ABCC6: variants seen among roughly 807,000 people sequenced by gnomAD.
ABCC6 encodes ATP-binding cassette sub-family C member 6.
ABCC6 carries 126 observed loss-of-function variants against 169.5 expected under a neutral mutation model. The observed-to-expected ratio is 0.74, with a 90% CI of 0.64 to 0.86. The LOEUF is 0.86. ABCC6 is among the 40% of genes least tolerant of loss of function. The probability of loss-of-function intolerance (pLI) is 0.00; values close to 1 mark genes in which losing one functional copy is unlikely to be tolerated. For missense variants in ABCC6, 1,733 were observed against 1,927.2 expected (o/e 0.90, Z 1.89); for synonymous variants, 752 against 814.7 (o/e 0.92, Z 1.31).
At chr16:16,199,409 A>G (rs1309112147) in intron 9 of ABCC6, among the ~76,000 whole-genome samples, 1 of 129,814 alleles carries the variant, frequency 7.7e-6, no homozygotes, top group Non-Finnish European at 1.8e-5. Flanking sequence ...GCTCCTACAC[A>G]AGGAATGGAA....
At chr16:16,181,424 G>T (rs934334261) in intron 17 of ABCC6, among the ~76,000 whole-genome samples, 1 of 152,018 alleles carries the variant, frequency 6.6e-6, no homozygotes, top group Non-Finnish European at 1.5e-5. Flanking sequence ...TGGCTGTGGT[G>T]GTAGATAAGG....
In ABCC6 at chr16:16,150,610, G is replaced by C. The variant is rs376955544; in HGVS notation, c.4371C>G (p.Ala1457=). Residue 1457 remains alanine, a synonymous_variant, in exon 30 of 31, where the codon GCC becomes GCG. Transcript: ENST00000205557. ...AGTCCATCACGGAGCGCAGGCGGTG[G>C]GCAATGAGCAGCACAGTGCACTGTG... ...WFAQCTVLLI[A]HRLRSVMDCA... 7.4e-6 allele frequency: 12 copies of C among 1,612,572 alleles called. No individual in the cohort carries two copies. The East Asian group carries it at 2.5e-4, about 33-fold the overall frequency.
At chr16:16,191,121 G>A (rs2047839966) in intron 11 of ABCC6, among the ~76,000 whole-genome samples, 1 of 151,756 alleles carries the variant, frequency 6.6e-6, no homozygotes, top group South Asian at 2.1e-4. Flanking sequence ...GCCTGGAGAA[G>A]GTTTTACTTT....
rs777846973 is a variant in ABCC6 at position 16,159,431 on chromosome 16, C to G, written c.3735+51G>C. Reference sequence around the variant, plus strand: ...GATGTCAACAGGGACCCATTGCCCCCCCCCACAATATGTCCTTGCTGGGAC... The same window carrying G: ...GATGTCAACAGGGACCCATTGCCCCGCCCCACAATATGTCCTTGCTGGGAC... On this transcript the variant is annotated intron_variant, in intron 26 of 30. Coordinates refer to ENST00000205557, the MANE Select transcript of ABCC6 (RefSeq NM_001171.6). The G allele has an allele frequency of 5.7e-5, 87 of 1,530,486 alleles. 1 individual carries two copies. The African/African-American group carries it at 8.5e-4, about 15-fold the overall frequency. 94.8% of individuals were successfully genotyped at this position (1,530,486 alleles called of 1,614,324 possible).
In ABCC6 at chr16:16,172,911, A is replaced by C. The variant is rs182422614; in HGVS notation, c.2787+373T>G. On this transcript the variant is annotated intron_variant, in intron 21 of 30. Transcript: ENST00000205557. The stretch of plus-strand genomic sequence containing the variant: ...ACAAACATTAGCTGGGCATGGTGGC[A>C]CACGCCTGTAGTCCCAGCTACTTGA... 2.6e-3 allele frequency among the ~76,000 whole-genome samples: 391 copies of C among 152,138 alleles called. 2 individuals carry two copies. The highest frequency in any genetic ancestry group is 9.2e-3 in the African/African-American group (382 of 41,486).
chr16:16,194,744 GCA>G lies in ABCC6; in HGVS notation c.1339-1824_1339-1823del, dbSNP rs140421779. On this transcript the variant is annotated intron_variant, in intron 10 of 30. Coordinates refer to ENST00000205557, the MANE Select transcript of ABCC6 (RefSeq NM_001171.6). Reference sequence around the variant, plus strand: ...CTTGTTCTGTGACCCAGGCTGGAGTGCAGTCTCATGATCTTGGCTCACTGCAA... The same window carrying G: ...CTTGTTCTGTGACCCAGGCTGGAGTGGTCTCATGATCTTGGCTCACTGCAA... 2.5e-3 allele frequency among the ~76,000 whole-genome samples: 375 copies of G among 152,206 alleles called. 4 individuals are homozygous for G. Among genetic ancestry groups the G allele is most frequent in the African/African-American group, 7.8e-3 (324 of 41,528 alleles).
chr16:16,152,669 G>A (rs2046421986), intron 29 of ABCC6, among the ~76,000 whole-genome samples: 1 of 132,346 alleles, frequency 7.6e-6, no homozygotes. Context: ...GGAAACTGAG[G>A]CACACAAGAT....
At chr16:16,187,865 C>G (rs947178725) in intron 13 of ABCC6, among the ~76,000 whole-genome samples, 1 of 151,796 alleles carries the variant, frequency 6.6e-6, no homozygotes, top group East Asian at 1.9e-4. Flanking sequence ...CCACTGCACT[C>G]CAGCCTGGGT....
intron 15 of ABCC6, among the ~76,000 whole-genome samples, chr16:16,183,400 G>A (rs149442873): frequency 0.014 from 2,186 of 151,678 alleles, 20 homozygotes; most frequent in Middle Eastern, 0.058. Context: ...TCTTGGTCCC[G>A]CCCCACTCCT....
At chr16:16,195,555 T>C (rs917340733) in intron 10 of ABCC6, among the ~76,000 whole-genome samples, 2 of 152,052 alleles carry the variant, frequency 1.3e-5, no homozygotes, top group African/African-American at 4.8e-5. Flanking sequence ...TCAAGTGTTC[T>C]GCCGGCCTTC....
chr16:16,191,667 CCCT>C (rs2047860175), intron 11 of ABCC6, among the ~76,000 whole-genome samples: 1 of 144,694 alleles, frequency 6.9e-6, no homozygotes, highest in Non-Finnish European at 1.5e-5. Flanking sequence ...CCTCCCTCCC[CCCT>C]TTCTTCCTTC....
In ABCC6 at chr16:16,182,486, C is replaced by T; in HGVS notation, c.2173G>A (p.Val725Ile). 3 of 1,614,218 alleles carry T rather than the reference C, an allele frequency of 1.9e-6. No individual in the cohort carries two copies. Among genetic ancestry groups the T allele is most frequent in the Non-Finnish European group, 2.5e-6 (3 of 1,180,048 alleles). The change falls in exon 17 of 31, where the codon GTA becomes ATA. Residue 725 changes from valine to isoleucine, a missense_variant. Physicochemically the swap from Val to Ile is conservative, Grantham distance 29. Around this residue, in one of 5 missense-constraint regions of ABCC6, gnomAD observed 1,601 missense variants for 1,635.5 expected, o/e 0.98. Transcript: ENST00000205557. ...GGCTGCAGGGCACAGGCTTCTAGTA[C>T]TCTCTCCAGCCAGGGTGGGTCCAGC... Reference protein sequence around the residue: ...QELDPPWLERVLEACALQPDV... With the variant: ...QELDPPWLERILEACALQPDV...
chr16:16,167,250 G>C (rs2046906845), intron 22 of ABCC6, among the ~76,000 whole-genome samples: 1 of 152,212 alleles, frequency 6.6e-6, no homozygotes, highest in African/African-American at 2.4e-5. Context: ...TTTTGGAAAA[G>C]TGGTACTTGG....
At chr16:16,155,245 C>A (rs1486707301) in intron 27 of ABCC6, 2 of 619,584 alleles carry the variant, frequency 3.2e-6, no homozygotes, top group Non-Finnish European at 5.6e-6. Flanking sequence ...TTTCCCTTAT[C>A]CTGATATCTC....
chr16:16,214,651 C>A (rs1567543862), intron 4 of ABCC6, among the ~76,000 whole-genome samples: 1 of 152,076 alleles, frequency 6.6e-6, no homozygotes, highest in African/African-American at 2.4e-5. Context: ...GTCGCCCAGG[C>A]TGAAGTGCAG....
chr16:16,161,846 C>T (rs1472372586), intron 24 of ABCC6, among the ~76,000 whole-genome samples: 2 of 152,138 alleles, frequency 1.3e-5, no homozygotes, highest in African/African-American at 4.8e-5. Flanking sequence ...CTGCCATTCC[C>T]CTGGCCTGAA....
chr16:16,155,215 C>T lies in ABCC6; in HGVS notation c.3883-184G>A, dbSNP rs965407233. The T allele has an allele frequency of 3.5e-5, 24 of 684,178 alleles. No individual in the cohort carries two copies. In the African/African-American group the frequency reaches 3.8e-4, roughly 11 times the overall value. 42.4% of individuals were successfully genotyped at this position (684,178 alleles called of 1,614,324 possible). A position where few individuals can be genotyped will look rare whatever the true frequency, so the allele number is the denominator to read the frequency against. The stretch of plus-strand genomic sequence containing the variant: ...CCACCCATCAATCCATCCAGTCTTC[C>T]ATCTGTGTTCTTCTCTATCTTTCCC... On this transcript the variant is annotated intron_variant, in intron 27 of 30. Coordinates refer to ENST00000205557, the MANE Select transcript of ABCC6 (RefSeq NM_001171.6).
chr16:16,165,754 T>A lies in ABCC6; in HGVS notation c.3175A>T (p.Ile1059Phe), dbSNP rs760876912. The A allele has an allele frequency of 6.2e-7, 1 of 1,613,808 alleles. No homozygotes were observed. Among genetic ancestry groups the A allele is most frequent in the South Asian group, 1.1e-5 (1 of 91,086 alleles). ...AGCAGGGACCGGAGTTTGTCTGGAA[T>A]GTCCACGTCAACCGTGTCTGTCTCC... ...SKETDTVDVDIPDKLRSLLMY... is the reference protein window; with the variant it reads ...SKETDTVDVDFPDKLRSLLMY... Residue 1059 changes from isoleucine to phenylalanine, a missense_variant, in exon 23 of 31, where the codon ATT becomes TTT. Coordinates refer to ENST00000205557, the MANE Select transcript of ABCC6 (RefSeq NM_001171.6).
intron 20 of ABCC6, among the ~76,000 whole-genome samples, chr16:16,174,003 C>A (rs2047191753): frequency 1.3e-5 from 2 of 152,312 alleles, no homozygotes; most frequent in South Asian, 4.1e-4. Flanking sequence ...CTCTGTGCCT[C>A]AGTTTCCTCA....
Sources: gnomAD v4.1 joint callset for allele counts (sites outside exome capture counted in the v4.1 genomes callset) on GRCh38, gnomAD v4.1.1 for gene constraint, gnomAD v4.1.1 regional missense constraint, MANE v1.5 for transcripts, NCBI Gene and HGNC (gene_info 2026-07-23, HGNC 2026-07-21) for gene names.